MYO1D: variants seen among roughly 807,000 people sequenced by gnomAD.
The protein encoded by MYO1D is unconventional myosin-Id.
In MYO1D, 83 loss-of-function variants were observed where a neutral mutation model predicts 122.0. The ratio of observed to expected loss-of-function variants is 0.68; its 90% CI spans 0.57 to 0.82. The LOEUF (loss-of-function observed/expected upper bound fraction) is 0.82, where lower values mean the gene tolerates loss of function less well. MYO1D is among the 40% of genes least tolerant of loss of function. MYO1D has a pLI of 0.00. For synonymous variants in MYO1D, 464 were observed against 446.9 expected, an observed-to-expected ratio of 1.04 and a Z score of -0.48; for missense variants, 1,157 against 1,269.5, an observed-to-expected ratio of 0.91 and a Z score of 1.35.
chr17:32,809,823 T>C (rs999693867), intron 1 of MYO1D, among the ~76,000 whole-genome samples: 58 of 152,242 alleles, frequency 3.8e-4, no homozygotes, highest in Non-Finnish European at 1.9e-4. Context: ...TGGACAGGCC[T>C]TTTGCATCAT....
At chr17:32,674,001 T>C (rs1229551047) in intron 16 of MYO1D, among the ~76,000 whole-genome samples, 1 of 152,216 alleles carries the variant, frequency 6.6e-6, no homozygotes, top group Non-Finnish European at 1.5e-5. Flanking sequence ...CAAATATGCC[T>C]ATGAGATAAC....
At chr17:32,771,080 TTGAC>T (rs769794253) in intron 6 of MYO1D, 41 bp downstream of exon 6, 3 of 1,429,448 alleles carry the variant, frequency 2.1e-6, no homozygotes, top group Admixed American at 1.7e-5. Flanking sequence ...TTCTAATCCT[TTGAC>T]TGATTTTCTA....
intron 1 of MYO1D, among the ~76,000 whole-genome samples, chr17:32,844,647 C>G (rs1157140755): frequency 1.3e-5 from 2 of 151,728 alleles, no homozygotes; most frequent in African/African-American, 2.4e-5. Context: ...ATTGGTTGAG[C>G]CCAGGAACTT....
At chr17:32,580,183 A>G (rs901324279) in intron 21 of MYO1D, among the ~76,000 whole-genome samples, 12 of 152,116 alleles carry the variant, frequency 7.9e-5, no homozygotes, top group Admixed American at 7.9e-4. Flanking sequence ...TTAAGGGGAA[A>G]ACATTCAGTC....
intron 21 of MYO1D, among the ~76,000 whole-genome samples, chr17:32,511,742 T>C (rs547698510): frequency 4.9e-4 from 75 of 152,198 alleles, no homozygotes; most frequent in Non-Finnish European, 8.2e-4. Context: ...ACATCATTAA[T>C]GAAGGTGCTA....
chr17:32,560,859 C>T (rs1276431028), intron 21 of MYO1D, among the ~76,000 whole-genome samples: 3 of 150,036 alleles, frequency 2.0e-5, no homozygotes, highest in Non-Finnish European at 4.4e-5. Context: ...ATCTCGTGAT[C>T]TGCCCGCCTT....
chr17:32,624,881 C>T (rs1244496557), intron 20 of MYO1D, among the ~76,000 whole-genome samples: 1 of 151,762 alleles, frequency 6.6e-6, no homozygotes, highest in Non-Finnish European at 1.5e-5. Flanking sequence ...ACCTCCGCCT[C>T]CCGGGTTCAA....
chr17:32,802,536 A>C (rs2090469648), intron 1 of MYO1D, among the ~76,000 whole-genome samples: 1 of 152,216 alleles, frequency 6.6e-6, no homozygotes, highest in Non-Finnish European at 1.5e-5. Flanking sequence ...CTTAGGGAAG[A>C]AAAATATTTT....
intron 16 of MYO1D, among the ~76,000 whole-genome samples, chr17:32,702,269 C>G (rs2089257458): frequency 6.6e-6 from 1 of 152,074 alleles, no homozygotes; most frequent in African/African-American, 2.4e-5. Context: ...ATACATTATG[C>G]CTGCACTGAT....
At chr17:32,725,955 T>C (rs1343525809) in intron 14 of MYO1D, among the ~76,000 whole-genome samples, 1 of 152,200 alleles carries the variant, frequency 6.6e-6, no homozygotes, top group Non-Finnish European at 1.5e-5. Context: ...ATCTTTGAAG[T>C]GCCAAAAGAC....
Position 32,696,372 on chromosome 17 carries a change from GA to G in MYO1D, c.2121+15615del, listed in dbSNP as rs375294993. Reference sequence around the variant, plus strand: ...AATTTTAAAAACATTATTCTGAGTGGAAAAAAAAACAACTTGCAGAAGACTA... The same window carrying G: ...AATTTTAAAAACATTATTCTGAGTGGAAAAAAAACAACTTGCAGAAGACTA... On this transcript the variant is annotated intron_variant, in intron 16 of 21. Transcript: ENST00000318217. 7.3e-4 allele frequency among the ~76,000 whole-genome samples: 108 copies of G among 148,736 alleles called. 2 individuals carry two copies. The highest frequency in any genetic ancestry group is 2.4e-3 in the African/African-American group (98 of 40,590).
chr17:32,619,424 A>G (rs2087825520), intron 20 of MYO1D, among the ~76,000 whole-genome samples: 1 of 152,078 alleles, frequency 6.6e-6, no homozygotes, highest in South Asian at 2.1e-4. Flanking sequence ...TGTCCCACCT[A>G]TTTTGACTCT....
chr17:32,548,607 T>C (rs1470285416), intron 21 of MYO1D, among the ~76,000 whole-genome samples: 1 of 152,132 alleles, frequency 6.6e-6, no homozygotes, highest in Non-Finnish European at 1.5e-5. Flanking sequence ...GGAAAAATCC[T>C]GTTTTCCAGT....
intron 1 of MYO1D, among the ~76,000 whole-genome samples, chr17:32,828,010 A>G (rs1373697292): frequency 6.6e-6 from 1 of 152,222 alleles, no homozygotes; most frequent in Non-Finnish European, 1.5e-5. Flanking sequence ...ATGATCACAA[A>G]CCGCTAAATA....
At chr17:32,708,065 C>T (rs1277990980) in intron 16 of MYO1D, among the ~76,000 whole-genome samples, 1 of 152,184 alleles carries the variant, frequency 6.6e-6, no homozygotes, top group African/African-American at 2.4e-5. Context: ...CAGTACAACA[C>T]TATGCTGAGT....
intron 16 of MYO1D, among the ~76,000 whole-genome samples, chr17:32,690,509 A>C (rs555485713): frequency 6.6e-6 from 1 of 152,290 alleles, no homozygotes; most frequent in East Asian, 1.9e-4. Flanking sequence ...GGCATCTGAC[A>C]TGGTTTGGAT....
Position 32,494,697 on chromosome 17 carries a change from A to T in MYO1D, c.*62T>A. ...TAGCGGGCATGGGTTGGGAGGCAGC[A>T]GCTGGACTGGGACCCAGGACTCGGA... On this transcript the variant is annotated 3_prime_UTR_variant, in exon 22 of 22. Coordinates refer to ENST00000318217, the MANE Select transcript of MYO1D (RefSeq NM_015194.3). 1 of 1,505,006 alleles carries T rather than the reference A, an allele frequency of 6.6e-7. No homozygotes were observed. The highest frequency in any genetic ancestry group is 1.3e-5 in the South Asian group (1 of 77,816). The allele number at this position is 1,505,006 out of a possible 1,614,324, so 93.2% of individuals were successfully genotyped here. A position where few individuals can be genotyped will look rare whatever the true frequency, so the allele number is the denominator to read the frequency against.
At chr17:32,620,620 T>C (rs948588161) in intron 20 of MYO1D, among the ~76,000 whole-genome samples, 5 of 152,178 alleles carry the variant, frequency 3.3e-5, no homozygotes, top group Non-Finnish European at 7.3e-5. Flanking sequence ...GCATTCAGAA[T>C]CTTCTTAAAT....
At chr17:32,652,852 T>A (rs115737253) in intron 19 of MYO1D, among the ~76,000 whole-genome samples, 11 of 152,166 alleles carry the variant, frequency 7.2e-5, no homozygotes, top group Non-Finnish European at 7.4e-5. Context: ...AGAAATAATG[T>A]AGGTATAGGC....
Sources: gnomAD v4.1 joint callset for allele counts (sites outside exome capture counted in the v4.1 genomes callset) on GRCh38, gnomAD v4.1.1 for gene constraint, MANE v1.5 for transcripts, NCBI Gene and HGNC (gene_info 2026-07-23, HGNC 2026-07-21) for gene names.